The following KIAA0513 variants were observed in gnomAD, a reference collection of about 807,000 sequenced individuals.
KIAA0513 encodes KIAA0513.
In KIAA0513, 39 loss-of-function variants were observed where a neutral mutation model predicts 56.5. The observed-to-expected ratio is 0.69, with a 90% confidence interval of 0.53 to 0.90. The LOEUF is 0.90. Among genes scored for constraint, KIAA0513 ranks in the 40% least tolerant of loss-of-function variants. The pLI, the probability that KIAA0513 is intolerant of heterozygous loss-of-function variation, is 0.00. For synonymous variants in KIAA0513, 268 were observed against 215.6 expected, an observed-to-expected ratio of 1.24 and a Z score of -2.13; for missense variants, 591 against 535.2, an observed-to-expected ratio of 1.10 and a Z score of -1.03.
At chr16:85,062,635 G>C (rs771860493) in intron 1 of KIAA0513, among the ~76,000 whole-genome samples, 1 of 152,194 alleles carries the variant, frequency 6.6e-6, no homozygotes, top group African/African-American at 2.4e-5. Context: ...TTGACTCCCA[G>C]CGTGTTTTGA....
At chr16:85,087,525 A>G (rs1451899225) in intron 12 of KIAA0513, among the ~76,000 whole-genome samples, 1 of 152,208 alleles carries the variant, frequency 6.6e-6, no homozygotes, top group Non-Finnish European at 1.5e-5. Context: ...GTCACGTGGC[A>G]TCCTTTTCTT....
rs769945700 is a variant in KIAA0513, at chr16:85,071,792, G to C, written c.339G>C (p.Leu113Phe). The stretch of plus-strand genomic sequence containing the variant: ...TTTTTTTTTTTTTTAGGGAGGACTT[G>C]GATCAGGAGGAGAAAGCCAAGTTTG... ...VEKIFSGGED[L>F]DQEEKAKFGE... Residue 113 changes from leucine to phenylalanine, a missense_variant, in exon 3 of 13, where the codon TTG becomes TTC. Coordinates refer to ENST00000683363, the MANE Select transcript of KIAA0513 (RefSeq NM_001388359.1). 2 of 1,518,950 alleles carry C rather than the reference G, an allele frequency of 1.3e-6. No individual in the cohort carries two copies. The highest frequency in any genetic ancestry group is 1.8e-6 in the Non-Finnish European group (2 of 1,119,128). The allele number at this position is 1,518,950 out of a possible 1,614,324, so 94.1% of individuals were successfully genotyped here. A position where few individuals can be genotyped will look rare whatever the true frequency, so the allele number is the denominator to read the frequency against.
rs2073881966 is a variant in KIAA0513 at position 85,092,717 on chromosome 16, C to G, written c.*4392C>G. 6.6e-6 allele frequency: 1 copy of G among 152,252 alleles called. No individual in the cohort carries two copies. The highest frequency in any genetic ancestry group is 1.5e-5 in the Non-Finnish European group (1 of 68,082). The allele number at this position is 152,252 out of a possible 1,614,324, so 9.4% of individuals were successfully genotyped here. The stretch of plus-strand genomic sequence containing the variant: ...TGATGATTCTTGGAGATAGGTTTCA[C>G]TTTTTCCCAGCTGCGTCCACAGGAA... On this transcript the variant is annotated 3_prime_UTR_variant, in exon 13 of 13. Coordinates refer to ENST00000683363, the MANE Select transcript of KIAA0513 (RefSeq NM_001388359.1).
In KIAA0513 at chr16:85,086,691, G is replaced by A. The variant is rs751615581; in HGVS notation, c.1058G>A (p.Arg353Gln). 7.4e-6 allele frequency: 12 copies of A among 1,613,800 alleles called. No homozygotes were observed. The highest frequency in any genetic ancestry group is 4.5e-5 in the East Asian group (2 of 44,854). The change falls in exon 11 of 13, where the codon CGG becomes CAG. Residue 353 changes from arginine (R) to glutamine (Q), a missense_variant. Arg to Gln is a conservative substitution (Grantham distance 43, BLOSUM62 1). Transcript: ENST00000683363. ...MTQEERDDSL[R>Q]FNENITFGQL... ...CAGGAGGAGCGCGACGACAGCCTCCGGTTCAACGAGAACATCACCTTCGGG... is the reference window on the plus strand; with the variant it reads ...CAGGAGGAGCGCGACGACAGCCTCCAGTTCAACGAGAACATCACCTTCGGG...
intron 2 of KIAA0513, among the ~76,000 whole-genome samples, chr16:85,069,374 C>T (rs1252321722): frequency 6.6e-6 from 1 of 152,040 alleles, no homozygotes; most frequent in Non-Finnish European, 1.5e-5. Context: ...CTATACTGGC[C>T]AGCAGCTGAT....
intron 1 of KIAA0513, among the ~76,000 whole-genome samples, chr16:85,028,589 T>C (rs557797715): frequency 2.6e-5 from 4 of 152,092 alleles, no homozygotes; most frequent in African/African-American, 4.8e-5. Context: ...AAGGACAGAA[T>C]TGAGTGTTCT....
Position 85,081,331 on chromosome 16 carries a change from T to G in KIAA0513, c.919T>G (p.Trp307Gly). The change falls in exon 9 of 13, where the codon TGG becomes GGG. Residue 307 changes from tryptophan to glycine, a missense_variant. By Grantham distance (184) the Trp-to-Gly change is radical. Transcript: ENST00000683363. This position sits in a 1 kb window ranked among gnomAD's most constrained non-coding sequence, Gnocchi z 4.4. Reference protein sequence around the residue: ...QQPIWHTLRFWNAAFFDAVHC... With the variant: ...QQPIWHTLRFGNAAFFDAVHC... ...GTCTTGCAGGCACACTCTGAGGTTC[T>G]GGAATGCAGCCTTTTTTGACGCTGT... 6.2e-7 allele frequency: 1 copy of G among 1,610,404 alleles called. No homozygotes were observed. The highest frequency in any genetic ancestry group is 2.2e-5 in the East Asian group (1 of 44,738).
At chr16:85,029,079 C>T (rs540862522) in intron 1 of KIAA0513, among the ~76,000 whole-genome samples, 1 of 152,326 alleles carries the variant, frequency 6.6e-6, no homozygotes, top group East Asian at 1.9e-4. Context: ...AGCGTATGTT[C>T]TCCATTGTTC....
At chr16:85,082,682 C>A in intron 10 of KIAA0513, 89 bp downstream of exon 10, 1 of 1,370,398 alleles carries the variant, frequency 7.3e-7, no homozygotes, top group South Asian at 1.2e-5. Context: ...CTGTGCTGAG[C>A]TGCTGCAGCA....
At chr16:85,035,624 G>A (rs1400720809) in intron 1 of KIAA0513, among the ~76,000 whole-genome samples, 2 of 152,146 alleles carry the variant, frequency 1.3e-5, no homozygotes, top group Admixed American at 1.3e-4. Flanking sequence ...CCAAGTAGCT[G>A]GGACTACAGG....
In KIAA0513 at chr16:85,078,983, C is replaced by G; in HGVS notation, c.882C>G (p.His294Gln). The change falls in exon 8 of 13, where the codon CAC becomes CAG. Residue 294 changes from histidine (H) to glutamine (Q), a missense_variant. Coordinates refer to ENST00000683363, the MANE Select transcript of KIAA0513 (RefSeq NM_001388359.1). ...GGGAGAAGATCTACCTGTACACGCA[C>G]CTGAAGCAACAGCCCATCTGGTAAG... ...KKGEKIYLYT[H>Q]LKQQPIWHTL... 1 of 1,614,192 alleles carries G rather than the reference C, an allele frequency of 6.2e-7. No homozygotes were observed. Among genetic ancestry groups the G allele is most frequent in the Non-Finnish European group, 8.5e-7 (1 of 1,180,018 alleles).
chr16:85,064,093 C>T (rs2073445039), intron 1 of KIAA0513, among the ~76,000 whole-genome samples: 1 of 148,920 alleles, frequency 6.7e-6, no homozygotes, highest in Admixed American at 6.8e-5. Flanking sequence ...GCAACCTCTG[C>T]CTCCCAGGTT....
intron 2 of KIAA0513, 113 bp from the exon 3 acceptor site, chr16:85,071,670 T>C: frequency 1.2e-6 from 1 of 852,098 alleles, no homozygotes; most frequent in Non-Finnish European, 1.8e-6. Context: ...TTGGGGTCTG[T>C]GCTTGGCTGG....
At chr16:85,055,908 T>C (rs2073322366) in intron 1 of KIAA0513, among the ~76,000 whole-genome samples, 1 of 152,186 alleles carries the variant, frequency 6.6e-6, no homozygotes, top group Non-Finnish European at 1.5e-5. Flanking sequence ...CCACTCAAAC[T>C]CTAAGCTGGT....
chr16:85,050,773 T>G (rs1004944309), intron 1 of KIAA0513, among the ~76,000 whole-genome samples: 2 of 152,230 alleles, frequency 1.3e-5, no homozygotes, highest in African/African-American at 4.8e-5. Context: ...GTAGATTGTG[T>G]GCTCTGTGCT....
chr16:85,049,806 A>G (rs1419106975), intron 1 of KIAA0513, among the ~76,000 whole-genome samples: 1 of 152,172 alleles, frequency 6.6e-6, no homozygotes, highest in East Asian at 1.9e-4. Context: ...TAGCAGTGCA[A>G]GAATGGCCTC....
chr16:85,077,364 G>T (rs1429098684), intron 5 of KIAA0513, 61 bp from the exon 6 acceptor site: 17 of 1,518,860 alleles, frequency 1.1e-5, no homozygotes, highest in Non-Finnish European at 1.5e-5. Flanking sequence ...CTGGGCCTCT[G>T]CAGTTAGCAG....
intron 1 of KIAA0513, among the ~76,000 whole-genome samples, chr16:85,047,928 C>G (rs1373352530): frequency 6.6e-6 from 1 of 152,170 alleles, no homozygotes; most frequent in Non-Finnish European, 1.5e-5. Flanking sequence ...CTCAGTAGCT[C>G]CTTTGTGTGC....
chr16:85,030,717 C>T (rs569695126), intron 1 of KIAA0513, among the ~76,000 whole-genome samples: 135 of 150,976 alleles, frequency 8.9e-4, no homozygotes, highest in Non-Finnish European at 1.5e-3. Context: ...GCACTCCAGC[C>T]TGGGTGACAG....
Sources: gnomAD v4.1 joint callset for allele counts (sites outside exome capture counted in the v4.1 genomes callset) on GRCh38, gnomAD v4.1.1 for gene constraint, Gnocchi (gnomAD v3.1) non-coding constraint, MANE v1.5 for transcripts, NCBI Gene and HGNC (gene_info 2026-07-23, HGNC 2026-07-21) for gene names.